KEL: variants seen among roughly 807,000 people sequenced by gnomAD.
The protein encoded by KEL is kell blood group glycoprotein.
Under a neutral mutation model 99.5 loss-of-function variants are expected in KEL, and 96 were observed. That is an observed-to-expected ratio of 0.97 (90% CI 0.82 to 1.14). The LOEUF is 1.14. Among genes scored for constraint, KEL ranks in the 50% most tolerant of loss-of-function variants. KEL has a pLI of 0.00. For missense variants in KEL, 926 were observed against 924.2 expected (o/e 1.00, Z -0.03); for synonymous variants, 355 against 354.8 (o/e 1.00, Z -0.01).
intron 10 of KEL, among the ~76,000 whole-genome samples, chr7:142,946,806 T>C (rs1222200610): frequency 6.6e-6 from 1 of 152,224 alleles, no homozygotes; most frequent in Non-Finnish European, 1.5e-5. Context: ...TGGTGTATCA[T>C]ACTGTAGCAT....
chr7:142,955,761 C>T (rs1324056580), intron 6 of KEL, among the ~76,000 whole-genome samples: 1 of 152,256 alleles, frequency 6.6e-6, no homozygotes, highest in South Asian at 2.1e-4. Context: ...TTCACTTGAC[C>T]CTTTTGCTAC....
intron 9 of KEL, among the ~76,000 whole-genome samples, chr7:142,953,577 C>T (rs914621756): frequency 1.3e-5 from 2 of 152,144 alleles, no homozygotes; most frequent in Non-Finnish European, 2.9e-5. Flanking sequence ...TTCCTCATGT[C>T]GTGTGTATCC....
chr7:142,943,665 G>T (rs1392433253), intron 14 of KEL, 69 bp from the exon 15 acceptor site: 19 of 1,429,968 alleles, frequency 1.3e-5, no homozygotes, highest in Non-Finnish European at 1.9e-5. Context: ...GACCTACACA[G>T]TCCCTCCCAA....
At chr7:142,952,376 T>C (rs1209797809) in intron 10 of KEL, 133 bp downstream of exon 10, 2 of 1,214,284 alleles carry the variant, frequency 1.6e-6, no homozygotes, top group East Asian at 2.3e-5. Context: ...CCTGCTTCTA[T>C]GGAAAGCCAA....
intron 2 of KEL, 39 bp from the exon 3 acceptor site, chr7:142,961,540 G>C (rs772285491): frequency 3.2e-6 from 5 of 1,569,856 alleles, no homozygotes; most frequent in Non-Finnish European, 4.3e-6. Flanking sequence ...ACAAGATGGG[G>C]GTTGAGAGAC....
chr7:142,949,966 A>G (rs919671245), intron 10 of KEL, among the ~76,000 whole-genome samples: 4 of 152,238 alleles, frequency 2.6e-5, no homozygotes, highest in Non-Finnish European at 5.9e-5. Context: ...AGATGGGCCA[A>G]TAATGAGATT....
chr7:142,943,349 G>A lies in KEL; in HGVS notation c.1704-6C>T. On this transcript the variant is annotated splice_polypyrimidine_tract_variant and splice_region_variant and intron_variant, in intron 15 of 18. Transcript: ENST00000355265. Reference sequence around the variant, plus strand: ...CAGCGCCAAAGTTCACGGCTCTAGGGAGACAAGGGCTTATTTGACCCCCAG... The same window carrying A: ...CAGCGCCAAAGTTCACGGCTCTAGGAAGACAAGGGCTTATTTGACCCCCAG... The A allele has an allele frequency of 2.5e-6, 4 of 1,614,106 alleles. No individual in the cohort carries two copies. Among genetic ancestry groups the A allele is most frequent in the Non-Finnish European group, 3.4e-6 (4 of 1,179,982 alleles).
intron 4 of KEL, among the ~76,000 whole-genome samples, chr7:142,960,151 C>T (rs1300596614): frequency 1.3e-5 from 2 of 152,206 alleles, no homozygotes; most frequent in African/African-American, 4.8e-5. Flanking sequence ...TGCCAATTAA[C>T]TCAGCTCTCC....
At chr7:142,941,477 G>C (rs574989370) in intron 18 of KEL, 64 bp from the exon 19 acceptor site, 1 of 1,455,436 alleles carries the variant, frequency 6.9e-7, no homozygotes, top group East Asian at 2.3e-5. Context: ...CCGGTGACAA[G>C]GGGTGATCAG....
chr7:142,952,423 TGA>T, intron 10 of KEL, 84 bp downstream of exon 10: 7 of 1,552,934 alleles, frequency 4.5e-6, no homozygotes, highest in Non-Finnish European at 5.3e-6. Flanking sequence ...GCCCCCTCCC[TGA>T]GAGAGAGATG....
At chr7:142,953,198 G>A in intron 9 of KEL, 1 of 230,626 alleles carries the variant, frequency 4.3e-6, no homozygotes, top group Non-Finnish European at 7.2e-6. Context: ...CCAGGTATCA[G>A]GGGAGGCAGA....
At chr7:142,946,068 C>A in intron 11 of KEL, 139 bp downstream of exon 11, 1 of 683,092 alleles carries the variant, frequency 1.5e-6, no homozygotes, top group South Asian at 1.6e-5. Flanking sequence ...TTTGGGTTCC[C>A]TCTCTCAGTG....
At chr7:142,959,770 C>T (rs1796909693) in intron 4 of KEL, among the ~76,000 whole-genome samples, 1 of 152,196 alleles carries the variant, frequency 6.6e-6, no homozygotes. Flanking sequence ...GATATCTATT[C>T]ATCCCATTGT....
intron 10 of KEL, among the ~76,000 whole-genome samples, chr7:142,950,369 A>G (rs533873260): frequency 6.6e-6 from 1 of 152,298 alleles, no homozygotes; most frequent in East Asian, 1.9e-4. Flanking sequence ...CACCTGGAGC[A>G]TGCTCCAGGG....
chr7:142,957,626 A>G (rs1340760347), intron 6 of KEL, among the ~76,000 whole-genome samples: 6 of 152,230 alleles, frequency 3.9e-5, no homozygotes, highest in Non-Finnish European at 8.8e-5. Context: ...CTGTCTTCCC[A>G]GCACTGGCTC....
chr7:142,953,692 C>T (rs1796746538), intron 9 of KEL, 116 bp downstream of exon 9: 1 of 1,241,328 alleles, frequency 8.1e-7, no homozygotes, highest in Non-Finnish European at 1.2e-6. Context: ...TTCCTCTTAT[C>T]CTCCTGGGAG....
chr7:142,961,911 G>C (rs373157613), intron 1 of KEL, 39 bp from the exon 2 acceptor site: 1 of 1,609,250 alleles, frequency 6.2e-7, no homozygotes, highest in African/African-American at 1.3e-5. Context: ...AGAGAAGCTG[G>C]TTCAGGAAAT....
At chr7:142,953,752 C>T (rs536179384) in intron 9 of KEL, 56 bp downstream of exon 9, 16 of 1,599,498 alleles carry the variant, frequency 1.0e-5, no homozygotes, top group South Asian at 6.6e-5. Context: ...CCAAGATCTA[C>T]GGTGCTCAGG....
chr7:142,962,031 G>C, intron 1 of KEL, 159 bp from the exon 2 acceptor site: 5 of 1,609,236 alleles, frequency 3.1e-6, no homozygotes, highest in East Asian at 2.2e-5. Context: ...GCTTCAGAAC[G>C]AACCTGTCCC....
Sources: allele counts gnomAD v4.1 joint callset (sites outside exome capture counted in the v4.1 genomes callset), GRCh38; gene constraint gnomAD v4.1.1; transcripts MANE v1.5; gene names NCBI Gene and HGNC (gene_info 2026-07-23, HGNC 2026-07-21).